The following TRPC5 variants were observed in gnomAD, a reference collection of about 807,000 sequenced individuals.
TRPC5 encodes the protein transient receptor potential cation channel subfamily C member 5.
Under a neutral mutation model 56.5 loss-of-function variants are expected in TRPC5, and 9 were observed. The observed-to-expected ratio is 0.16, with a 90% CI of 0.10 to 0.28. The LOEUF (loss-of-function observed/expected upper bound fraction) is 0.28, where lower values mean the gene tolerates loss of function less well. Among genes scored for constraint, TRPC5 ranks in the 10% least tolerant of loss-of-function variants. TRPC5 has a pLI of 1.00. For synonymous variants in TRPC5, 282 were observed against 278.5 expected (o/e 1.01, Z -0.13); for missense variants, 469 against 748.9 (o/e 0.63, Z 4.36).
chrX:111,944,267 A>AGTATGTGTGTGT (rs773983065), intron 2 of TRPC5, among the ~76,000 whole-genome samples: 8,639 of 71,504 alleles, frequency 0.12, 528 homozygotes, highest in African/African-American at 0.24. Flanking sequence ...GGAGTAGAAG[A>AGTATGTGTGTGT]GTGTGTGTGT....
intron 2 of TRPC5, among the ~76,000 whole-genome samples, chrX:111,922,184 G>A (rs114488138): frequency 0.011 from 1,268 of 111,516 alleles, 16 homozygotes; most frequent in African/African-American, 0.038. Flanking sequence ...GAACCCTATC[G>A]TTACCCTTGG....
At chrX:112,023,300 A>C (rs1429526055) in intron 1 of TRPC5, among the ~76,000 whole-genome samples, 2 of 85,163 alleles carry the variant, frequency 2.3e-5, no homozygotes, top group Admixed American at 2.6e-4. Flanking sequence ...GTTACTTTAA[A>C]ATTCTTTTCT....
At chrX:112,039,697 G>C (rs1929845483) in intron 1 of TRPC5, among the ~76,000 whole-genome samples, 1 of 111,224 alleles carries the variant, frequency 9.0e-6, no homozygotes, top group Non-Finnish European at 1.9e-5. Flanking sequence ...CATCTATCCA[G>C]GGTGCCTCTA....
At chrX:111,896,074 G>A (rs187871623) in intron 3 of TRPC5, 22 of 111,329 alleles carry the variant, frequency 2.0e-4, no homozygotes, top group Admixed American at 1.6e-3. Context: ...CCAGACACCA[G>A]CCCAGAACTC....
chrX:111,976,006 A>G (rs1011830782), intron 1 of TRPC5, among the ~76,000 whole-genome samples: 1 of 112,820 alleles, frequency 8.9e-6, no homozygotes, highest in East Asian at 2.8e-4. Flanking sequence ...CAACATATAC[A>G]TATGAAAATT....
rs147295499 is a variant in TRPC5 at position 112,066,831 on chromosome X, T to C, written c.-22+15048A>G. ...TTAAATTTCTCAGTTTGAGGGATAA[T>C]GTGGCTGGCCTTGTTTTCTCCTTAC... On this transcript the variant is annotated intron_variant, in intron 1 of 10. Coordinates refer to ENST00000262839, the MANE Select transcript of TRPC5 (RefSeq NM_012471.3). Among the ~76,000 whole-genome samples the C allele has an allele frequency of 2.6e-4, 29 of 112,529 alleles. No homozygotes were observed. The East Asian group carries it at 7.0e-3, about 27-fold the overall frequency.
intron 7 of TRPC5, among the ~76,000 whole-genome samples, chrX:111,785,133 G>A (rs1044429903): frequency 1.8e-4 from 20 of 112,406 alleles, no homozygotes; most frequent in African/African-American, 6.1e-4. Flanking sequence ...CCTGACCCTC[G>A]TGTAGCCTGA....
intron 1 of TRPC5, among the ~76,000 whole-genome samples, chrX:112,077,030 T>G (rs1391202777): frequency 3.6e-5 from 4 of 112,222 alleles, no homozygotes; most frequent in African/African-American, 1.3e-4. Flanking sequence ...TTATTGATTG[T>G]TCACCATATC....
At chrX:111,995,237 C>T (rs1275886053) in intron 1 of TRPC5, among the ~76,000 whole-genome samples, 1 of 111,780 alleles carries the variant, frequency 8.9e-6, no homozygotes, top group Non-Finnish European at 1.9e-5. Context: ...TGGTTTTAGT[C>T]ATTGGTTCTG....
intron 2 of TRPC5, among the ~76,000 whole-genome samples, chrX:111,934,885 G>A (rs893819309): frequency 1.8e-5 from 2 of 112,446 alleles, no homozygotes; most frequent in African/African-American, 6.5e-5. Flanking sequence ...CGACAAGTTA[G>A]TTAGCATCCA....
At chrX:111,803,508 C>T (rs1337547501) in intron 7 of TRPC5, among the ~76,000 whole-genome samples, 1 of 112,071 alleles carries the variant, frequency 8.9e-6, no homozygotes, top group African/African-American at 3.2e-5. Context: ...CACATCCTCT[C>T]CAGCATCTGT....
In TRPC5 at chrX:111,853,867, C is replaced by A. The variant is rs1441788797; in HGVS notation, c.1140G>T (p.Met380Ile). 20 of 1,210,210 alleles carry A rather than the reference C, an allele frequency of 1.7e-5. No homozygotes were observed. The highest frequency in any genetic ancestry group is 1.9e-5 in the Non-Finnish European group (17 of 895,322). Residue 380 changes from methionine to isoleucine, a missense_variant, in exon 4 of 11, where the codon ATG becomes ATT. Physicochemically the swap from Met to Ile is conservative, Grantham distance 10. Around this residue, in one of 3 missense-constraint regions of TRPC5, gnomAD observed 157 missense variants for 360.0 expected, o/e 0.44. Coordinates refer to ENST00000262839, the MANE Select transcript of TRPC5 (RefSeq NM_012471.3). ...HTASYLTFLF[M>I]LLLASQHIVR... Reference sequence around the variant, plus strand: ...CAATGTGCTGAGAAGCCAGGAGAAGCATAAAGAGGAAGGTCAAATAGGATG... The same window carrying A: ...CAATGTGCTGAGAAGCCAGGAGAAGAATAAAGAGGAAGGTCAAATAGGATG...
At chrX:111,911,035 G>A (rs1235527100) in intron 3 of TRPC5, among the ~76,000 whole-genome samples, 9 of 112,677 alleles carry the variant, frequency 8.0e-5, no homozygotes, top group Admixed American at 1.9e-4. Flanking sequence ...CTCCAGTATA[G>A]CCCTTTCGAT....
At chrX:112,028,298 T>C (rs2147716586) in intron 1 of TRPC5, among the ~76,000 whole-genome samples, 1 of 111,762 alleles carries the variant, frequency 8.9e-6, no homozygotes, top group African/African-American at 3.3e-5. Flanking sequence ...AATTATGCTT[T>C]AAGTTCTAGG....
At chrX:111,985,310 C>T (rs1341679093) in intron 1 of TRPC5, among the ~76,000 whole-genome samples, 1 of 111,946 alleles carries the variant, frequency 8.9e-6, no homozygotes, top group African/African-American at 3.2e-5. Context: ...ACACACTAGA[C>T]CAACTGTGAG....
At chrX:111,922,344 T>C (rs1926148605) in intron 2 of TRPC5, among the ~76,000 whole-genome samples, 1 of 112,223 alleles carries the variant, frequency 8.9e-6, no homozygotes, top group East Asian at 2.8e-4. Flanking sequence ...GCTGGTCTGA[T>C]AGCATCATGT....
intron 1 of TRPC5, among the ~76,000 whole-genome samples, chrX:112,051,706 A>T (rs1189632797): frequency 8.9e-6 from 1 of 112,441 alleles, no homozygotes; most frequent in East Asian, 2.8e-4. Flanking sequence ...TACATTTCAC[A>T]TGGTTGTGCA....
At chrX:111,971,868 T>C (rs1034129101) in intron 1 of TRPC5, among the ~76,000 whole-genome samples, 21 of 111,772 alleles carry the variant, frequency 1.9e-4, no homozygotes, top group Admixed American at 1.7e-3. Context: ...TTAATTTCTT[T>C]AAGCATTTAA....
intron 5 of TRPC5, among the ~76,000 whole-genome samples, chrX:111,849,055 G>A (rs1402677987): frequency 8.9e-6 from 1 of 112,132 alleles, no homozygotes; most frequent in African/African-American, 3.2e-5. Context: ...AGCCTTTAAA[G>A]GTTTGAGGTA....
Sources: allele counts gnomAD v4.1 joint callset (sites outside exome capture counted in the v4.1 genomes callset), GRCh38; gene constraint gnomAD v4.1.1; regional missense constraint gnomAD v4.1.1; transcripts MANE v1.5; gene names NCBI Gene and HGNC (gene_info 2026-07-23, HGNC 2026-07-21).